CDK18: variants seen among roughly 807,000 people sequenced by gnomAD.
CDK18 encodes the protein cyclin dependent kinase 18.
In CDK18, 52 loss-of-function variants were observed where a neutral mutation model predicts 62.0. The ratio of observed to expected loss-of-function variants is 0.84; its 90% confidence interval spans 0.67 to 1.06. The LOEUF is 1.06. CDK18 is among the 50% of genes least tolerant of loss of function. CDK18 has a pLI of 0.00. For missense variants in CDK18, 604 were observed against 619.9 expected (o/e 0.97, Z 0.27); for synonymous variants, 237 against 247.0 (o/e 0.96, Z 0.38).
rs368933855 is a variant in CDK18 at position 205,526,186 on chromosome 1, C to T, written c.571+7C>T. The T allele has an allele frequency of 4.0e-5, 65 of 1,608,966 alleles. No individual in the cohort carries two copies. The highest frequency in any genetic ancestry group is 5.2e-5 in the Non-Finnish European group (61 of 1,175,856). ...TGCACTGCCATCCGAGAGGGTACAG[C>T]ATCCTAGGCTCCCACGCTCCCCTGG... On this transcript the variant is annotated splice_region_variant and intron_variant, in intron 6 of 15. Transcript: ENST00000429964.
chr1:205,530,303 C>G lies in CDK18; in HGVS notation c.1266C>G (p.His422Gln). 1 of 1,613,364 alleles carries G rather than the reference C, an allele frequency of 6.2e-7. No homozygotes were observed. The highest frequency in any genetic ancestry group is 8.5e-7 in the Non-Finnish European group (1 of 1,180,032). Residue 422 changes from histidine (H) to glutamine (Q), a missense_variant, in exon 14 of 16, where the codon CAC becomes CAG. His to Gln is a conservative substitution (Grantham distance 24, BLOSUM62 0). Coordinates refer to ENST00000429964, the MANE Select transcript of CDK18 (RefSeq NM_212502.3). ...SRMSAEAALS[H>Q]SYFRSLGERV... Reference sequence around the variant, plus strand: ...TGTCAGCAGAGGCTGCCCTGAGTCACTCCTACTTCCGGTCTCTGGGAGAGC... The same window carrying G: ...TGTCAGCAGAGGCTGCCCTGAGTCAGTCCTACTTCCGGTCTCTGGGAGAGC...
At position 205,531,458 on chromosome 1, in the gene CDK18, C is replaced by G. The variant is rs146709978; in HGVS notation, c.*80C>G. The G allele has an allele frequency of 0.014, 18,878 of 1,334,092 alleles. 179 individuals carry two copies. The highest frequency in any genetic ancestry group is 0.017 in the Non-Finnish European group (16,057 of 925,432). 82.6% of individuals were successfully genotyped at this position (1,334,092 alleles called of 1,614,324 possible). A position where few individuals can be genotyped will look rare whatever the true frequency, so the allele number is the denominator to read the frequency against. On this transcript the variant is annotated 3_prime_UTR_variant, in exon 16 of 16. Transcript: ENST00000429964. Reference sequence around the variant, plus strand: ...CGGGTAGGATGGAGCCTGTGTGGCCCTCGGAGGACTGAAGAACGAGGGCTG... The same window carrying G: ...CGGGTAGGATGGAGCCTGTGTGGCCGTCGGAGGACTGAAGAACGAGGGCTG...
Position 205,531,328 on chromosome 1 carries a change from C to T in CDK18, c.1391-16C>T. On this transcript the variant is annotated splice_polypyrimidine_tract_variant and intron_variant, in intron 15 of 15. Transcript: ENST00000429964. ...CAGCCTCCTCCCTGCAGCCCCACCT[C>T]TTCTCCATTCTCCAGGACGAGGGAA... 6.2e-7 allele frequency: 1 copy of T among 1,613,988 alleles called. No individual in the cohort carries two copies. Among genetic ancestry groups the T allele is most frequent in the Non-Finnish European group, 8.5e-7 (1 of 1,179,846 alleles).
intron 1 of CDK18, among the ~76,000 whole-genome samples, chr1:205,509,166 A>G (rs1296830047): frequency 6.6e-6 from 1 of 152,146 alleles, no homozygotes; most frequent in African/African-American, 2.4e-5. Flanking sequence ...CGGGTCTTGA[A>G]GCAAAGCTCC....
Position 205,527,223 on chromosome 1 carries a change from G to C in CDK18, c.729+386G>C. On this transcript the variant is annotated intron_variant, in intron 8 of 15. Transcript: ENST00000429964. The surrounding 1 kb of genome is among the most constrained non-coding windows in gnomAD (Gnocchi z 4.1). ...AGGCTGGGCATGGTGGCCCACGCCT[G>C]TAATCCCAGCACTGGGAGGCCAAGG... 4.1e-6 allele frequency: 1 copy of C among 244,372 alleles called. No homozygotes were observed. The highest frequency in any genetic ancestry group is 8.0e-6 in the Non-Finnish European group (1 of 125,382). 15.1% of individuals were successfully genotyped at this position (244,372 alleles called of 1,614,324 possible). A position where few individuals can be genotyped will look rare whatever the true frequency, so the allele number is the denominator to read the frequency against.
chr1:205,527,748 G>C lies in CDK18; in HGVS notation c.730-46G>C. The C allele has an allele frequency of 6.2e-7, 1 of 1,603,540 alleles. No homozygotes were observed. The highest frequency in any genetic ancestry group is 8.5e-7 in the Non-Finnish European group (1 of 1,173,424). ...TCCTGGTCCCAGCCTTGGAGCAGAG[G>C]CTCAGGGCCACCTTCCACCCCACAT... On this transcript the variant is annotated intron_variant, in intron 8 of 15. Transcript: ENST00000429964. This position sits in a 1 kb window ranked among gnomAD's most constrained non-coding sequence, Gnocchi z 4.1.
chr1:205,517,922 C>G lies in CDK18; in HGVS notation c.-21-5225C>G, dbSNP rs1250844357. ...ACTCATCCGTTCAAACCCTCCTTAC[C>G]CCTCGAGGCCCAACACAGCTGCTCC... On this transcript the variant is annotated intron_variant, in intron 1 of 15. Transcript: ENST00000429964. This position sits in a 1 kb window ranked among gnomAD's most constrained non-coding sequence, Gnocchi z 4.1. Among the ~76,000 whole-genome samples the G allele has an allele frequency of 6.6e-6, 1 of 152,098 alleles. No homozygotes were observed. Among genetic ancestry groups the G allele is most frequent in the Non-Finnish European group, 1.5e-5 (1 of 68,022 alleles).
chr1:205,530,856 A>G, intron 15 of CDK18, 151 bp downstream of exon 15: 1 of 658,224 alleles, frequency 1.5e-6, no homozygotes, highest in South Asian at 1.8e-5. Context: ...TCTCCTGCCT[A>G]GACTTCCTCG....
rs762487336 is a variant in CDK18 at position 205,527,828 on chromosome 1, ACT to A, written c.765_766del (p.Tyr255Ter). 4 of 1,613,896 alleles carry A rather than the reference ACT, an allele frequency of 2.5e-6. No homozygotes were observed. In the South Asian group the frequency reaches 4.4e-5, roughly 18 times the overall value. Reference sequence around the variant, plus strand: ...TTCCAGCTGCTCCGGGGCCTCGCCTACTGTCACCACCGCAAGATCCTGCACCG... The same window carrying A: ...TTCCAGCTGCTCCGGGGCCTCGCCTAGTCACCACCGCAAGATCCTGCACCG... On this transcript the variant is annotated stop_gained and frameshift_variant, in exon 9 of 16. Coordinates refer to ENST00000429964, the MANE Select transcript of CDK18 (RefSeq NM_212502.3). LOFTEE classifies it high-confidence loss of function. This position sits in a 1 kb window ranked among gnomAD's most constrained non-coding sequence, Gnocchi z 4.1.
intron 1 of CDK18, among the ~76,000 whole-genome samples, chr1:205,508,294 A>T (rs1667407983): frequency 6.6e-6 from 1 of 152,164 alleles, no homozygotes; most frequent in African/African-American, 2.4e-5. Context: ...GTGGGAGCAG[A>T]CCAAGGTTAA....
chr1:205,520,770 A>C (rs187350699), intron 1 of CDK18, among the ~76,000 whole-genome samples: 1 of 152,182 alleles, frequency 6.6e-6, no homozygotes, highest in African/African-American at 2.4e-5. Context: ...CCACTCTCCT[A>C]TCTTGCTCGG....
Position 205,529,468 on chromosome 1 carries a change from G to A in CDK18, c.1178+39G>A, listed in dbSNP as rs773868538. On this transcript the variant is annotated intron_variant, in intron 12 of 15. Coordinates refer to ENST00000429964, the MANE Select transcript of CDK18 (RefSeq NM_212502.3). ...CCGCCGCCCCTCCTGCTGCGGCCCTGGCTCTCCCATCCCCAATCAGGCACA... is the reference window on the plus strand; with the variant it reads ...CCGCCGCCCCTCCTGCTGCGGCCCTAGCTCTCCCATCCCCAATCAGGCACA... 3.1e-6 allele frequency: 5 copies of A among 1,610,586 alleles called. No individual in the cohort carries two copies. In the Admixed American group the frequency reaches 8.4e-5, roughly 27 times the overall value.
chr1:205,529,578 G>T lies in CDK18; in HGVS notation c.1221+15G>T, dbSNP rs561017712. 10 of 1,613,660 alleles carry T rather than the reference G, an allele frequency of 6.2e-6. 1 individual carries two copies. In the Admixed American group the frequency reaches 1.7e-4, roughly 27 times the overall value. On this transcript the variant is annotated intron_variant, in intron 13 of 15. Transcript: ENST00000429964. The stretch of plus-strand genomic sequence containing the variant: ...GCCTGCTCCTGGTGAGTGTCCTCCC[G>T]GCGGGGCCCAGGGAGAGGCAGCCAA...
At chr1:205,529,154 C>A in intron 11 of CDK18, 58 bp downstream of exon 11, 3 of 1,470,600 alleles carry the variant, frequency 2.0e-6, no homozygotes, top group Non-Finnish European at 2.8e-6. Flanking sequence ...ACTCCTCCAG[C>A]CCAGGCGCGG....
At position 205,521,079 on chromosome 1, in the gene CDK18, C is replaced by T. The variant is rs567462151; in HGVS notation, c.-21-2068C>T. On this transcript the variant is annotated intron_variant, in intron 1 of 15. Coordinates refer to ENST00000429964, the MANE Select transcript of CDK18 (RefSeq NM_212502.3). ...GCTCTGCCAAGGAAGCCAGAGGAAG[C>T]GCTTTCAGCTACCTTCTCATCAAAG... Among the ~76,000 whole-genome samples the T allele has an allele frequency of 7.9e-5, 12 of 152,310 alleles. No individual in the cohort carries two copies. In the South Asian group the frequency reaches 8.3e-4, roughly 11 times the overall value.
In CDK18 at chr1:205,527,485, A is replaced by AAG; in HGVS notation, c.730-308_730-307insGA. 1.8e-4 allele frequency: 7 copies of AAG among 39,858 alleles called. No homozygotes were observed. The highest frequency in any genetic ancestry group is 6.0e-4 in the African/African-American group (6 of 10,020). 2.5% of individuals were successfully genotyped at this position (39,858 alleles called of 1,614,324 possible). Reference sequence around the variant, plus strand: ...CAGAGTAAAACCCTGACTCTAAAAGAAAAAAAAAAAAAAAAGGGATCAAGC... The same window carrying AAG: ...CAGAGTAAAACCCTGACTCTAAAAGAAGAAAAAAAAAAAAAAAGGGATCAAGC... On this transcript the variant is annotated intron_variant, in intron 8 of 15. Transcript: ENST00000429964. The surrounding 1 kb of genome is among the most constrained non-coding windows in gnomAD (Gnocchi z 4.1).
At chr1:205,519,354 C>T (rs1212633460) in intron 1 of CDK18, among the ~76,000 whole-genome samples, 1 of 152,052 alleles carries the variant, frequency 6.6e-6, no homozygotes, top group East Asian at 1.9e-4. Context: ...GGGTTCAATG[C>T]CCTGGTTGTC....
Position 205,529,448 on chromosome 1 carries a change from G to A in CDK18, c.1178+19G>A. 6.2e-7 allele frequency: 1 copy of A among 1,611,634 alleles called. No homozygotes were observed. Among genetic ancestry groups the A allele is most frequent in the Non-Finnish European group, 8.5e-7 (1 of 1,178,494 alleles). On this transcript the variant is annotated intron_variant, in intron 12 of 15. Coordinates refer to ENST00000429964, the MANE Select transcript of CDK18 (RefSeq NM_212502.3). The stretch of plus-strand genomic sequence containing the variant: ...CGCCCAGGTAGCCCCTGCGCCCGCC[G>A]CCCCTCCTGCTGCGGCCCTGGCTCT...
At chr1:205,505,069 G>A (rs1406190369) in intron 1 of CDK18, among the ~76,000 whole-genome samples, 2 of 152,214 alleles carry the variant, frequency 1.3e-5, no homozygotes, top group East Asian at 1.9e-4. Context: ...GAGAGGGAGG[G>A]TTATTTTGCA....
Sources: allele counts gnomAD v4.1 joint callset (sites outside exome capture counted in the v4.1 genomes callset), GRCh38; gene constraint gnomAD v4.1.1; non-coding constraint Gnocchi (gnomAD v3.1); transcripts MANE v1.5; gene names NCBI Gene and HGNC (gene_info 2026-07-23, HGNC 2026-07-21).